Variants in RAD9B observed in about 807,000 individuals in gnomAD.
RAD9B encodes cell cycle checkpoint control protein RAD9B.
A neutral mutation model predicts 48.3 loss-of-function variants in RAD9B; 41 were observed. The ratio of observed to expected loss-of-function variants is 0.85; its 90% CI spans 0.66 to 1.10. The LOEUF is 1.10. RAD9B is among the 50% of genes least tolerant of loss of function. RAD9B has a pLI of 0.00. For synonymous variants in RAD9B, 160 were observed against 157.9 expected (o/e 1.01, Z -0.10); for missense variants, 444 against 485.1 (o/e 0.92, Z 0.80).
chr12:110,519,911 A>C lies in RAD9B; in HGVS notation c.885A>C (p.Arg295=). 1 of 1,611,286 alleles carries C rather than the reference A, an allele frequency of 6.2e-7. No homozygotes were observed. Among genetic ancestry groups the C allele is most frequent in the Non-Finnish European group, 8.5e-7 (1 of 1,179,008 alleles). Residue 295 remains arginine, a synonymous_variant, in exon 9 of 11, where the codon CGA becomes CGC. Coordinates refer to ENST00000409300, the MANE Select transcript of RAD9B (RefSeq NM_001286535.2). ...SPQSLCLSQK[R]KRSDLIEKKA... ...AGTCACTGTGTCTTTCACAGAAACGAAAAAGGTAAGACTGTGTTTTAACTT... is the reference window on the plus strand; with the variant it reads ...AGTCACTGTGTCTTTCACAGAAACGCAAAAGGTAAGACTGTGTTTTAACTT...
Position 110,506,593 on chromosome 12 carries a change from C to G in RAD9B, c.288C>G (p.Ile96Met), listed in dbSNP as rs552692137. 45 of 1,574,306 alleles carry G rather than the reference C, an allele frequency of 2.9e-5. No homozygotes were observed. In the East Asian group the frequency reaches 5.8e-4, roughly 20 times the overall value. ...TTCTGTTACAGTCAATTTTGCCCAT[C>G]TTTAGATGTCTGAATTCCCTTGAAA... is the stretch of plus-strand genomic sequence containing the variant. ...CKLGMKSILP[I>M]FRCLNSLERN... is the part of the protein sequence containing the mutation. Residue 96 changes from isoleucine to methionine, a missense_variant, in exon 4 of 11, where the codon ATC becomes ATG. By Grantham distance (10) the Ile-to-Met change is conservative. Coordinates refer to ENST00000409300, the MANE Select transcript of RAD9B (RefSeq NM_001286535.2).
chr12:110,509,011 C>CTGGA (rs2063376259), intron 4 of RAD9B, among the ~76,000 whole-genome samples: 1 of 151,950 alleles, frequency 6.6e-6, no homozygotes, highest in Non-Finnish European at 1.5e-5. Flanking sequence ...GTCGCCCAGG[C>CTGGA]TGGAGTGCAG....
chr12:110,504,635 A>G (rs2063206754), intron 2 of RAD9B, among the ~76,000 whole-genome samples: 1 of 152,042 alleles, frequency 6.6e-6, no homozygotes, highest in South Asian at 2.1e-4. Flanking sequence ...GAGACCGCCA[A>G]TATGCTGTAA....
Position 110,518,886 on chromosome 12 carries a change from T to C in RAD9B, c.715T>C (p.Phe239Leu). The C allele has an allele frequency of 6.3e-7, 1 of 1,579,328 alleles. No individual in the cohort carries two copies. The highest frequency in any genetic ancestry group is 2.3e-5 in the East Asian group (1 of 44,132). ...TTTCTTTTTTCAGGGAATACTGACATTTTCAGAAGCTACACATGCTCCTAT... is the reference window on the plus strand; with the variant it reads ...TTTCTTTTTTCAGGGAATACTGACACTTTCAGAAGCTACACATGCTCCTAT... Reference protein sequence around the residue: ...CFKELKGILTFSEATHAPISI... With the variant: ...CFKELKGILTLSEATHAPISI... Residue 239 changes from phenylalanine (F) to leucine (L), a missense_variant, in exon 8 of 11, where the codon TTT becomes CTT. By Grantham distance (22) the Phe-to-Leu change is conservative. Coordinates refer to ENST00000409300, the MANE Select transcript of RAD9B (RefSeq NM_001286535.2).
At chr12:110,526,458 C>T (rs2135731337) in intron 10 of RAD9B, among the ~76,000 whole-genome samples, 1 of 152,276 alleles carries the variant, frequency 6.6e-6, no homozygotes, top group Non-Finnish European at 1.5e-5. Context: ...TAAAGAAAAC[C>T]TCAGCTTTCA....
chr12:110,513,725 TTATTATTATTA>T lies in RAD9B; in HGVS notation c.488+849_488+859del, dbSNP rs1309236390. Among the ~76,000 whole-genome samples the T allele has an allele frequency of 2.3e-4, 34 of 144,854 alleles. No homozygotes were observed. The East Asian group carries it at 4.5e-3, about 19-fold the overall frequency. ...ATTATTATTATTATTATTATTATTA[TTATTATTATTA>T]TTTTTGAGACAGAGTCTCCCTCTGT... On this transcript the variant is annotated intron_variant, in intron 5 of 10. Transcript: ENST00000409300.
intron 4 of RAD9B, among the ~76,000 whole-genome samples, chr12:110,507,605 A>G (rs1047262539): frequency 1.4e-5 from 2 of 146,438 alleles, no homozygotes; most frequent in African/African-American, 2.5e-5. Context: ...CATATTATGT[A>G]TACATATATA....
In RAD9B at chr12:110,530,552, T is replaced by C; in HGVS notation, c.1153T>C (p.Ser385Pro). 15 of 1,614,038 alleles carry C rather than the reference T, an allele frequency of 9.3e-6. No homozygotes were observed. Among genetic ancestry groups the C allele is most frequent in the Non-Finnish European group, 1.2e-5 (14 of 1,179,882 alleles). The stretch of plus-strand genomic sequence containing the variant: ...TTCTTGCATGTTCTTTGGAGCAGTT[T>C]CTTCTGACCAGCAAGAACACTTCAA... ...KFSCMFFGAV[S>P]SDQQEHFNHP... is the part of the protein sequence containing the mutation. Residue 385 changes from serine to proline, a missense_variant, in exon 11 of 11, where the codon TCT becomes CCT. Coordinates refer to ENST00000409300, the MANE Select transcript of RAD9B (RefSeq NM_001286535.2).
intron 6 of RAD9B, among the ~76,000 whole-genome samples, chr12:110,517,889 A>G (rs560221840): frequency 1.4e-4 from 22 of 152,096 alleles, no homozygotes; most frequent in Non-Finnish European, 2.1e-4. Flanking sequence ...GTAAGATTGT[A>G]CTTTCATTTA....
At position 110,519,836 on chromosome 12, in the gene RAD9B, CT is replaced by C. The variant is rs1287593964; in HGVS notation, c.813del (p.Phe271LeufsTer6). On this transcript the variant is annotated frameshift_variant, in exon 9 of 11. Transcript: ENST00000409300. LOFTEE classifies it high-confidence loss of function. ...TTGATGATATGTTAGTGGAAGCTAA[CT>C]TTATTTTGGCCACATTAGCTGATGA... ...SIDDMLVEAN[F>X]ILATLADEQS... 1 of 1,613,024 alleles carries C rather than the reference CT, an allele frequency of 6.2e-7. No individual in the cohort carries two copies. Among genetic ancestry groups the C allele is most frequent in the East Asian group, 2.2e-5 (1 of 44,820 alleles).
intron 4 of RAD9B, among the ~76,000 whole-genome samples, chr12:110,507,422 T>A (rs933803356): frequency 1.4e-5 from 2 of 141,658 alleles, no homozygotes; most frequent in African/African-American, 5.2e-5. Flanking sequence ...ATATAATATA[T>A]AATATATATG....
At chr12:110,516,864 A>T (rs1593075889) in intron 6 of RAD9B, among the ~76,000 whole-genome samples, 2 of 152,096 alleles carry the variant, frequency 1.3e-5, no homozygotes, top group East Asian at 3.9e-4. Flanking sequence ...CTTTGTTCTT[A>T]CTACTTATAT....
At chr12:110,528,525 G>A (rs1382967717) in intron 10 of RAD9B, among the ~76,000 whole-genome samples, 5 of 152,212 alleles carry the variant, frequency 3.3e-5, no homozygotes, top group African/African-American at 1.2e-4. Flanking sequence ...GCAGCGCTGA[G>A]GTTAAGTAAC....
rs1157975985 is a variant in RAD9B at position 110,518,720 on chromosome 12, G to A, written c.640G>A (p.Glu214Lys). ...VHSEMFVGSD[E>K]FDFFQIGMDT... is the part of the protein sequence containing the mutation. ...CAGTGAGATGTTTGTTGGCTCAGATGAGTTTGACTTCTTTCAAATTGGAAT... is the reference window on the plus strand; with the variant it reads ...CAGTGAGATGTTTGTTGGCTCAGATAAGTTTGACTTCTTTCAAATTGGAAT... The change falls in exon 7 of 11, where the codon GAG becomes AAG. Residue 214 changes from glutamate to lysine, a missense_variant. Physicochemically the swap from Glu to Lys is moderately conservative, Grantham distance 56. Coordinates refer to ENST00000409300, the MANE Select transcript of RAD9B (RefSeq NM_001286535.2). 6.2e-7 allele frequency: 1 copy of A among 1,611,696 alleles called. No homozygotes were observed. The highest frequency in any genetic ancestry group is 1.3e-5 in the African/African-American group (1 of 74,872).
Position 110,513,008 on chromosome 12 carries a change from C to G in RAD9B, c.488+130C>G, listed in dbSNP as rs1216122438. 36 of 575,982 alleles carry G rather than the reference C, an allele frequency of 6.3e-5. 1 individual carries two copies. Among genetic ancestry groups the G allele is most frequent in the Non-Finnish European group, 3.4e-5 (11 of 327,842 alleles). 35.7% of individuals were successfully genotyped at this position (575,982 alleles called of 1,614,324 possible). On this transcript the variant is annotated intron_variant, in intron 5 of 10. Transcript: ENST00000409300. ...TTATATGGAGTCTCGCTGTGTCGCC[C>G]AGGCTGGAGTGCAGTGGCGCGATCT...
rs2135746233 is a variant in RAD9B at position 110,530,846 on chromosome 12, C to T, written c.*193C>T. The T allele has an allele frequency of 3.0e-6, 4 of 1,351,546 alleles. No individual in the cohort carries two copies. Among genetic ancestry groups the T allele is most frequent in the Middle Eastern group, 2.8e-4 (1 of 3,536 alleles). The allele number at this position is 1,351,546 out of a possible 1,614,324, so 83.7% of individuals were successfully genotyped here. ...CTGTTTGTCAAGTGTATGTAACTTGCTTTAAATCCATTATGCTACTTGTGA... is the reference window on the plus strand; with the variant it reads ...CTGTTTGTCAAGTGTATGTAACTTGTTTTAAATCCATTATGCTACTTGTGA... On this transcript the variant is annotated 3_prime_UTR_variant, in exon 11 of 11. Transcript: ENST00000409300.
chr12:110,512,970 A>G, intron 5 of RAD9B, 92 bp downstream of exon 5: 1 of 564,100 alleles, frequency 1.8e-6, no homozygotes, highest in Non-Finnish European at 3.1e-6. Flanking sequence ...CAGTCGGCAC[A>G]TTTTTTTTTT....
At chr12:110,506,380 G>T (rs947216210) in intron 3 of RAD9B, among the ~76,000 whole-genome samples, 199 bp from the exon 4 acceptor site, 1 of 150,800 alleles carries the variant, frequency 6.6e-6, no homozygotes, top group African/African-American at 2.4e-5. Context: ...AGTAGAGACG[G>T]GGTTTCACTG....
intron 10 of RAD9B, among the ~76,000 whole-genome samples, chr12:110,525,426 C>T (rs1018786480): frequency 8.6e-5 from 13 of 151,960 alleles, no homozygotes; most frequent in African/African-American, 3.1e-4. Context: ...GCACCCAGCC[C>T]GCTTTGTCCT....
Sources: gnomAD v4.1 joint callset for allele counts (sites outside exome capture counted in the v4.1 genomes callset) on GRCh38, gnomAD v4.1.1 for gene constraint, MANE v1.5 for transcripts, NCBI Gene and HGNC (gene_info 2026-07-23, HGNC 2026-07-21) for gene names.